ME1: variants seen among roughly 807,000 people sequenced by gnomAD.
ME1 encodes the protein NADP-dependent malic enzyme.
ME1 carries 74 observed loss-of-function variants against 66.4 expected under a neutral mutation model. The ratio of observed to expected loss-of-function variants is 1.11; its 90% CI spans 0.92 to 1.35. The LOEUF (loss-of-function observed/expected upper bound fraction) is 1.35, where lower values mean the gene tolerates loss of function less well. Among genes scored for constraint, ME1 ranks in the 40% most tolerant of loss-of-function variants. ME1 has a pLI of 0.00. For missense variants in ME1, 750 were observed against 694.1 expected (o/e 1.08, Z -0.90); for synonymous variants, 251 against 235.6 (o/e 1.07, Z -0.60).
chr6:83,213,889 A>G (rs190552628), intron 13 of ME1, among the ~76,000 whole-genome samples: 10 of 152,316 alleles, frequency 6.6e-5, no homozygotes, highest in African/African-American at 2.4e-4. Flanking sequence ...AAACAAACGA[A>G]AGACTCAAAA....
chr6:83,424,024 G>T (rs1009732491), intron 1 of ME1, among the ~76,000 whole-genome samples: 1 of 151,388 alleles, frequency 6.6e-6, no homozygotes, highest in African/African-American at 2.4e-5. Context: ...CTGAGTCTGG[G>T]AGGTCAAGGC....
chr6:83,248,464 A>G (rs962440174), intron 7 of ME1, among the ~76,000 whole-genome samples: 1 of 152,152 alleles, frequency 6.6e-6, no homozygotes, highest in Non-Finnish European at 1.5e-5. Context: ...TATACATGGT[A>G]TCTTCAAGTT....
At chr6:83,428,900 T>G (rs989132456) in intron 1 of ME1, among the ~76,000 whole-genome samples, 1 of 152,198 alleles carries the variant, frequency 6.6e-6, no homozygotes, top group African/African-American at 2.4e-5. Flanking sequence ...TGTGATACTA[T>G]TATTCTGAAG....
intron 6 of ME1, among the ~76,000 whole-genome samples, chr6:83,296,034 T>C (rs1245474574): frequency 6.6e-6 from 1 of 151,934 alleles, no homozygotes; most frequent in Non-Finnish European, 1.5e-5. Flanking sequence ...AAATAGCCTA[T>C]CACCCCCAAA....
chr6:83,315,166 G>A, intron 6 of ME1, 144 bp downstream of exon 6: 1 of 588,850 alleles, frequency 1.7e-6, no homozygotes, highest in Admixed American at 3.3e-5. Context: ...TCCATTAACA[G>A]TTATGAGGAA....
At chr6:83,297,388 A>G (rs115038688) in intron 6 of ME1, among the ~76,000 whole-genome samples, 5,793 of 152,266 alleles carry the variant, frequency 0.038, 373 homozygotes, top group African/African-American at 0.13. Context: ...TACTGCCCAA[A>G]GCAATTTAGA....
At chr6:83,238,679 T>C (rs1790456319) in intron 8 of ME1, among the ~76,000 whole-genome samples, 1 of 151,922 alleles carries the variant, frequency 6.6e-6, no homozygotes, top group African/African-American at 2.4e-5. Flanking sequence ...CTTCACATAT[T>C]TTGTTTTATC....
chr6:83,290,477 A>T (rs1189134263), intron 6 of ME1, among the ~76,000 whole-genome samples: 1 of 152,176 alleles, frequency 6.6e-6, no homozygotes, highest in Non-Finnish European at 1.5e-5. Context: ...ATTTGATTGC[A>T]CTGTGGTCTG....
intron 6 of ME1, among the ~76,000 whole-genome samples, chr6:83,260,652 G>A (rs1397489712): frequency 6.6e-6 from 1 of 152,138 alleles, no homozygotes; most frequent in Non-Finnish European, 1.5e-5. Context: ...TTGTGTTCAA[G>A]TGTTCTCATC....
intron 7 of ME1, among the ~76,000 whole-genome samples, chr6:83,251,517 T>C (rs1043551208): frequency 1.3e-5 from 2 of 151,486 alleles, no homozygotes; most frequent in African/African-American, 4.9e-5. Context: ...CATAAATATA[T>C]AAAAATGCTA....
intron 3 of ME1, among the ~76,000 whole-genome samples, chr6:83,374,452 GT>G (rs1198010637): frequency 1.3e-5 from 2 of 151,984 alleles, no homozygotes; most frequent in Non-Finnish European, 2.9e-5. Flanking sequence ...GGGGTTGTTT[GT>G]TTTTTTCTTG....
chr6:83,281,385 G>A (rs1001113510), intron 6 of ME1, among the ~76,000 whole-genome samples: 3 of 152,162 alleles, frequency 2.0e-5, no homozygotes, highest in Non-Finnish European at 2.9e-5. Flanking sequence ...AGGTAAGTGA[G>A]ACATCATCTC....
intron 6 of ME1, among the ~76,000 whole-genome samples, chr6:83,264,217 C>T (rs1444042602): frequency 6.6e-6 from 1 of 152,150 alleles, no homozygotes; most frequent in Non-Finnish European, 1.5e-5. Flanking sequence ...CTGTTTACAG[C>T]ATGGTTTACT....
chr6:83,269,292 AGAC>A, intron 6 of ME1, among the ~76,000 whole-genome samples: 1 of 152,294 alleles, frequency 6.6e-6, no homozygotes, highest in Middle Eastern at 3.4e-3. Context: ...TATAATACAT[AGAC>A]AAGACATATA....
intron 6 of ME1, among the ~76,000 whole-genome samples, chr6:83,273,601 A>G (rs1416919074): frequency 2.0e-5 from 3 of 152,216 alleles, no homozygotes; most frequent in East Asian, 3.8e-4. Flanking sequence ...TATTTTCTAC[A>G]TACAAAAAAG....
chr6:83,228,699 G>T, intron 10 of ME1, 127 bp downstream of exon 10: 1 of 670,346 alleles, frequency 1.5e-6, no homozygotes, highest in East Asian at 2.6e-5. Context: ...ACAGGGTACT[G>T]TCGCTTGAGC....
chr6:83,370,505 G>A (rs1769175111), intron 3 of ME1, among the ~76,000 whole-genome samples: 2 of 152,096 alleles, frequency 1.3e-5, no homozygotes, highest in Admixed American at 1.3e-4. Context: ...AATATCCATA[G>A]AATGATAAAC....
intron 6 of ME1, among the ~76,000 whole-genome samples, chr6:83,275,676 A>G (rs1767165657): frequency 6.7e-6 from 1 of 148,714 alleles, no homozygotes; most frequent in Non-Finnish European, 1.5e-5. Flanking sequence ...CGTGTTAGCC[A>G]GGATGGTCTC....
intron 6 of ME1, among the ~76,000 whole-genome samples, chr6:83,276,545 G>A (rs1396193781): frequency 6.6e-6 from 1 of 152,142 alleles, no homozygotes. Flanking sequence ...ATTTGGAAAG[G>A]AGTATGATAA....
Sources: gnomAD v4.1 joint callset for allele counts (sites outside exome capture counted in the v4.1 genomes callset) on GRCh38, gnomAD v4.1.1 for gene constraint, MANE v1.5 for transcripts, NCBI Gene and HGNC (gene_info 2026-07-23, HGNC 2026-07-21) for gene names.